ANKRD40: variants seen among roughly 807,000 people sequenced by gnomAD.
ANKRD40 encodes ankyrin repeat domain-containing protein 40.
A neutral mutation model predicts 35.5 loss-of-function variants in ANKRD40; 24 were observed. That is an observed-to-expected ratio of 0.68 (90% CI 0.49 to 0.95). ANKRD40 has a LOEUF of 0.95. Among genes scored for constraint, ANKRD40 ranks in the 40% least tolerant of loss-of-function variants. The pLI is 0.00. For missense variants in ANKRD40, 361 were observed against 436.0 expected (o/e 0.83, Z 1.53); for synonymous variants, 147 against 173.5 (o/e 0.85, Z 1.20).
At position 50,699,394 on chromosome 17, in the gene ANKRD40, G is replaced by T. The variant is rs370017198; in HGVS notation, c.778+5C>A. ...TGCAGAGGCTGTTTGCTGATGAGGGGTTACCTTGCATATTAAATGGAAATG... is the reference window on the plus strand; with the variant it reads ...TGCAGAGGCTGTTTGCTGATGAGGGTTTACCTTGCATATTAAATGGAAATG... On this transcript the variant is annotated splice_donor_5th_base_variant and intron_variant, in intron 3 of 4. Coordinates refer to ENST00000285243, the MANE Select transcript of ANKRD40 (RefSeq NM_052855.4). 5.3e-5 allele frequency: 85 copies of T among 1,612,454 alleles called. No homozygotes were observed. Among genetic ancestry groups the T allele is most frequent in the African/African-American group, 3.3e-4 (25 of 74,872 alleles).
Position 50,696,063 on chromosome 17 carries a change from T to G in ANKRD40, c.1041A>C (p.Arg347Ser). 6.2e-7 allele frequency: 1 copy of G among 1,614,216 alleles called. No individual in the cohort carries two copies. Among genetic ancestry groups the G allele is most frequent in the Non-Finnish European group, 8.5e-7 (1 of 1,180,036 alleles). The change falls in exon 5 of 5, where the codon AGA (arginine) becomes AGC (serine). Residue 347 changes from arginine (R) to serine (S), a missense_variant. By Grantham distance (110) the Arg-to-Ser change is moderately radical. This residue lies in a region of ANKRD40 where 93 missense variants were observed against 129.6 expected (regional missense o/e 0.72). Transcript: ENST00000285243. ...LMISENNFLF[R>S]NAASTLTERP... ...TTTCAGTCAGTGTGGATGCAGCATT[T>G]CTGAACAGAAAATTATTTTCACTTA... is the stretch of plus-strand genomic sequence containing the variant.
intron 1 of ANKRD40, among the ~76,000 whole-genome samples, chr17:50,705,522 A>AT (rs869167309): frequency 1.1e-4 from 17 of 151,228 alleles, no homozygotes; most frequent in African/African-American, 3.6e-4. Flanking sequence ...GTAGAAAAAA[A>AT]TTTTTTTTTG....
chr17:50,697,393 G>A (rs1968212781), intron 3 of ANKRD40, among the ~76,000 whole-genome samples: 1 of 152,196 alleles, frequency 6.6e-6, no homozygotes, highest in Non-Finnish European at 1.5e-5. Flanking sequence ...TTCCAGCTAT[G>A]TAGAAGGATA....
chr17:50,695,938 C>G lies in ANKRD40; in HGVS notation c.*59G>C. 1 of 1,589,064 alleles carries G rather than the reference C, an allele frequency of 6.3e-7. No homozygotes were observed. Among genetic ancestry groups the G allele is most frequent in the Non-Finnish European group, 8.6e-7 (1 of 1,164,718 alleles). On this transcript the variant is annotated 3_prime_UTR_variant, in exon 5 of 5. Transcript: ENST00000285243. Reference sequence around the variant, plus strand: ...TGAGGCATTTAGATCAATGGCTTGTCCTTGGCCCAGAGGTGATGCACACTG... The same window carrying G: ...TGAGGCATTTAGATCAATGGCTTGTGCTTGGCCCAGAGGTGATGCACACTG...
In ANKRD40 at chr17:50,699,503, G is replaced by A; in HGVS notation, c.674C>T (p.Ser225Phe). The A allele has an allele frequency of 6.2e-7, 1 of 1,614,234 alleles. No homozygotes were observed. Among genetic ancestry groups the A allele is most frequent in the South Asian group, 1.1e-5 (1 of 91,084 alleles). Reference sequence around the variant, plus strand: ...AGGCTCCAGAGACATTGGTGGCTTGGACGGGACAGAAGAAAACAGGGAGCG... The same window carrying A: ...AGGCTCCAGAGACATTGGTGGCTTGAACGGGACAGAAGAAAACAGGGAGCG... ...QSRSLFSSVP[S>F]KPPMSLEPQN... Residue 225 changes from serine to phenylalanine, a missense_variant, in exon 3 of 5, where the codon TCC (serine) becomes TTC (phenylalanine). Ser to Phe is a radical substitution (Grantham distance 155, BLOSUM62 -2). Coordinates refer to ENST00000285243, the MANE Select transcript of ANKRD40 (RefSeq NM_052855.4).
At position 50,701,655 on chromosome 17, in the gene ANKRD40, T is replaced by C. The variant is rs545248110; in HGVS notation, c.135-939A>G. On this transcript the variant is annotated intron_variant, in intron 1 of 4. Transcript: ENST00000285243. ...ACTGTATATTATGGAAGGAAAATAC[T>C]TTTCGCCTGTGTTTTGAAAGGTCTT... 2.0e-5 allele frequency among the ~76,000 whole-genome samples: 3 copies of C among 152,312 alleles called. No homozygotes were observed. The South Asian group carries it at 6.2e-4, about 32-fold the overall frequency.
intron 3 of ANKRD40, among the ~76,000 whole-genome samples, chr17:50,698,556 A>C (rs1364699125): frequency 6.6e-6 from 1 of 152,198 alleles, no homozygotes; most frequent in Non-Finnish European, 1.5e-5. Context: ...AAAATGATAA[A>C]GGGTAAAGAT....
At chr17:50,702,939 G>C (rs1177494454) in intron 1 of ANKRD40, among the ~76,000 whole-genome samples, 1 of 152,198 alleles carries the variant, frequency 6.6e-6, no homozygotes, top group African/African-American at 2.4e-5. Flanking sequence ...GGAATGATTA[G>C]TGATCAATCT....
rs147353932 is a variant in ANKRD40, at chr17:50,700,273, G to A, written c.283+295C>T. On this transcript the variant is annotated intron_variant, in intron 2 of 4. Transcript: ENST00000285243. ...AGCCTGACCAACATGGTGAAACCCC[G>A]TCTCTACTAAAAATACAAAATTAGC... is the stretch of plus-strand genomic sequence containing the variant. 1,338 of 272,298 alleles carry A rather than the reference G, an allele frequency of 4.9e-3. 14 individuals carry two copies. The highest frequency in any genetic ancestry group is 0.026 in the African/African-American group (1,191 of 45,394). 16.9% of individuals were successfully genotyped at this position (272,298 alleles called of 1,614,324 possible). A position where few individuals can be genotyped will look rare whatever the true frequency, so the allele number is the denominator to read the frequency against.
At chr17:50,699,077 T>G (rs1443609239) in intron 3 of ANKRD40, among the ~76,000 whole-genome samples, 3 of 151,632 alleles carry the variant, frequency 2.0e-5, no homozygotes, top group Non-Finnish European at 4.4e-5. Context: ...AAGAATCACT[T>G]GAACCTGGGA....
In ANKRD40 at chr17:50,693,286, C is replaced by T. The variant is rs1362421899; in HGVS notation, c.*2711G>A. 6.6e-6 allele frequency: 1 copy of T among 152,136 alleles called. No homozygotes were observed. The highest frequency in any genetic ancestry group is 1.5e-5 in the Non-Finnish European group (1 of 68,028). 9.4% of individuals were successfully genotyped at this position (152,136 alleles called of 1,614,324 possible). On this transcript the variant is annotated 3_prime_UTR_variant, in exon 5 of 5. Coordinates refer to ENST00000285243, the MANE Select transcript of ANKRD40 (RefSeq NM_052855.4). ...AAAATCTTCAGTGAATGTTTACACA[C>T]AGTGTGAACACATGCTTTAAATATG...
chr17:50,700,730 A>C lies in ANKRD40; in HGVS notation c.135-14T>G, dbSNP rs1968262780. On this transcript the variant is annotated splice_polypyrimidine_tract_variant and intron_variant, in intron 1 of 4. Transcript: ENST00000285243. ...TGTAAACAAGTCCTGTACCAAAGAA[A>C]ATAATGATTGAAAAAGAGGAGAAGT... The C allele has an allele frequency of 6.3e-7, 1 of 1,596,048 alleles. No individual in the cohort carries two copies. The highest frequency in any genetic ancestry group is 2.2e-5 in the East Asian group (1 of 44,694).
chr17:50,698,075 G>A (rs1035668763), intron 3 of ANKRD40, among the ~76,000 whole-genome samples: 1 of 151,878 alleles, frequency 6.6e-6, no homozygotes, highest in African/African-American at 2.4e-5. Flanking sequence ...GACACCTAGT[G>A]ACCACATCCT....
At chr17:50,699,989 G>T in intron 2 of ANKRD40, 96 bp from the exon 3 acceptor site, 2 of 1,217,672 alleles carry the variant, frequency 1.6e-6, no homozygotes, top group South Asian at 4.4e-5. Flanking sequence ...TGTGACATTG[G>T]TCAGTGTCAG....
intron 3 of ANKRD40, 101 bp downstream of exon 3, chr17:50,699,298 T>C: frequency 6.9e-7 from 1 of 1,454,784 alleles, no homozygotes; most frequent in South Asian, 1.4e-5. Flanking sequence ...TCATGTAACG[T>C]TTCTGTAAGT....
rs1968353990 is a variant in ANKRD40 at position 50,707,465 on chromosome 17, C to T, written c.134+56G>A. The stretch of plus-strand genomic sequence containing the variant: ...GCTGGGCCCAGGTCGCGACTGACTG[C>T]CCCACGCCTTCCGACCGGCTGCCCT... On this transcript the variant is annotated intron_variant, in intron 1 of 4. Transcript: ENST00000285243. This position sits in a 1 kb window ranked among gnomAD's most constrained non-coding sequence, Gnocchi z 4.8. 6.4e-7 allele frequency: 1 copy of T among 1,573,458 alleles called. No individual in the cohort carries two copies. Among genetic ancestry groups the T allele is most frequent in the African/African-American group, 1.4e-5 (1 of 71,808 alleles).
intron 1 of ANKRD40, among the ~76,000 whole-genome samples, chr17:50,706,431 T>C (rs890648314): frequency 5.3e-5 from 8 of 152,210 alleles, no homozygotes; most frequent in African/African-American, 1.9e-4. Context: ...GGCTAAGCAT[T>C]ACCTGAATCA....
chr17:50,703,973 G>A (rs1014165775), intron 1 of ANKRD40, among the ~76,000 whole-genome samples: 165 of 152,130 alleles, frequency 1.1e-3, no homozygotes, highest in African/African-American at 3.8e-3. Flanking sequence ...GGTAGGGTTA[G>A]TGAGAAGTAG....
intron 4 of ANKRD40, chr17:50,696,675 A>G (rs1316788399): frequency 9.8e-6 from 3 of 307,658 alleles, no homozygotes; most frequent in Non-Finnish European, 1.7e-5. Context: ...GTTTACAACT[A>G]GTTTGTAAGA....
Sources: allele counts gnomAD v4.1 joint callset (sites outside exome capture counted in the v4.1 genomes callset), GRCh38; gene constraint gnomAD v4.1.1; regional missense constraint gnomAD v4.1.1; non-coding constraint Gnocchi (gnomAD v3.1); transcripts MANE v1.5; gene names NCBI Gene and HGNC (gene_info 2026-07-23, HGNC 2026-07-21).